The following COL2A1 variants were observed in gnomAD, a reference collection of about 807,000 sequenced individuals.
The protein encoded by COL2A1 is collagen alpha-1(II) chain.
A neutral mutation model predicts 204.5 loss-of-function variants in COL2A1; 28 were observed. That is an observed-to-expected ratio of 0.14 (90% confidence interval 0.10 to 0.19). The LOEUF (loss-of-function observed/expected upper bound fraction) is 0.19. COL2A1 is among the 10% of genes least tolerant of loss of function. COL2A1 has a pLI of 1.00. For synonymous variants in COL2A1, 708 were observed against 718.7 expected (o/e 0.99, Z 0.24); for missense variants, 1,388 against 2,027.5 (o/e 0.68, Z 6.06).
At position 47,987,021 on chromosome 12, in the gene COL2A1, G is replaced by A; in HGVS notation, c.1365+57C>T. ...GCAGGAGAGCATGGGAAAGAGGGGTGATGGGGTTTGACTCCAGAGATGTCA... is the reference window on the plus strand; with the variant it reads ...GCAGGAGAGCATGGGAAAGAGGGGTAATGGGGTTTGACTCCAGAGATGTCA... On this transcript the variant is annotated intron_variant, in intron 21 of 53. Coordinates refer to ENST00000380518, the MANE Select transcript of COL2A1 (RefSeq NM_001844.5). The surrounding 1 kb of genome is among the most constrained non-coding windows in gnomAD (Gnocchi z 4.1). The A allele has an allele frequency of 6.3e-7, 1 of 1,584,134 alleles. No individual in the cohort carries two copies. The highest frequency in any genetic ancestry group is 8.7e-7 in the Non-Finnish European group (1 of 1,152,638).
chr12:47,975,588 A>G lies in COL2A1; in HGVS notation c.3615T>C (p.Pro1205=), dbSNP rs1938665018. The change falls in exon 51 of 54, where the codon CCT becomes CCC. Residue 1205 remains proline, a synonymous_variant. Transcript: ENST00000380518. ...GGGGACCTGGAGGACCAGGGGGTCC[A>G]GGATTTCCAGGAGGACCCTGCAGCA... The part of the protein sequence containing the change: ...ETGPAGPPGN[P]GPPGPPGPPG... The G allele has an allele frequency of 1.9e-6, 3 of 1,600,494 alleles. No homozygotes were observed. In the African/African-American group the frequency reaches 4.0e-5, roughly 21 times the overall value.
chr12:47,979,862 C>T, intron 40 of COL2A1, 147 bp downstream of exon 40: 1 of 754,560 alleles, frequency 1.3e-6, no homozygotes, highest in Non-Finnish European at 2.2e-6. Context: ...GCCCTCTCTC[C>T]CACCTGGCTG....
chr12:47,982,981 A>G, intron 32 of COL2A1, 35 bp from the exon 33 acceptor site: 1 of 1,609,486 alleles, frequency 6.2e-7, no homozygotes, highest in Non-Finnish European at 8.5e-7. Flanking sequence ...ATCAACCAAC[A>G]GCAGTGGGGG....
rs1459915631 is a variant in COL2A1, at chr12:47,991,524, G to A, written c.1023+1354C>T. On this transcript the variant is annotated intron_variant, in intron 16 of 53. Coordinates refer to ENST00000380518, the MANE Select transcript of COL2A1 (RefSeq NM_001844.5). ...GATACCACAGAGCAGAGGCCTCGCAGAGCAGACTCCAGAGAGGAGTCTGAT... is the reference window on the plus strand; with the variant it reads ...GATACCACAGAGCAGAGGCCTCGCAAAGCAGACTCCAGAGAGGAGTCTGAT... Among the ~76,000 whole-genome samples the A allele has an allele frequency of 5.9e-4, 90 of 152,192 alleles. 1 individual carries two copies. The highest frequency in any genetic ancestry group is 5.9e-3 in the Admixed American group (90 of 15,280).
intron 15 of COL2A1, among the ~76,000 whole-genome samples, chr12:47,993,213 C>T (rs768797055): frequency 2.6e-5 from 4 of 152,206 alleles, no homozygotes; most frequent in Non-Finnish European, 4.4e-5. Context: ...ATGAGCTTGA[C>T]AAAATGTTGA....
At chr12:47,988,813 G>T (rs1380944319) in intron 18 of COL2A1, among the ~76,000 whole-genome samples, 1 of 152,214 alleles carries the variant, frequency 6.6e-6, no homozygotes, top group Admixed American at 6.5e-5. Context: ...GGGGAGCAGG[G>T]GCTCCCTGCC....
Position 47,976,969 on chromosome 12 carries a change from G to A in COL2A1, c.3328-50C>T. On this transcript the variant is annotated intron_variant, in intron 47 of 53. Transcript: ENST00000380518. The surrounding 1 kb of genome is among the most constrained non-coding windows in gnomAD (Gnocchi z 4.3). ...GAGTCAGGTCAGGGCCAGGACAGGA[G>A]CCCCCTCCTGTCCCACCCAAGCTGA... is the stretch of plus-strand genomic sequence containing the variant. 4 of 1,542,928 alleles carry A rather than the reference G, an allele frequency of 2.6e-6. No homozygotes were observed. Among genetic ancestry groups the A allele is most frequent in the Middle Eastern group, 1.7e-4 (1 of 5,938 alleles).
At chr12:47,992,736 G>A (rs1034665965) in intron 16 of COL2A1, 142 bp downstream of exon 16, 1 of 867,228 alleles carries the variant, frequency 1.2e-6, no homozygotes, top group African/African-American at 1.7e-5. Flanking sequence ...GGGAAGTTTT[G>A]ATGGGCACAC....
chr12:47,981,668 G>A lies in COL2A1; in HGVS notation c.2409+108C>T, dbSNP rs75703301. 76,177 of 1,302,188 alleles carry A rather than the reference G, an allele frequency of 0.058. 2,620 individuals carry two copies. Among genetic ancestry groups the A allele is most frequent in the Non-Finnish European group, 0.069 (63,091 of 920,654 alleles). The allele number at this position is 1,302,188 out of a possible 1,614,324, so 80.7% of individuals were successfully genotyped here. A position where few individuals can be genotyped will look rare whatever the true frequency, so the allele number is the denominator to read the frequency against. The stretch of plus-strand genomic sequence containing the variant: ...CCTCTTCACTCCTACGGCCTTGGCC[G>A]AGGGTGACAGTGGTGAGGGAGGACA... On this transcript the variant is annotated intron_variant, in intron 36 of 53. Coordinates refer to ENST00000380518, the MANE Select transcript of COL2A1 (RefSeq NM_001844.5).
At chr12:47,983,626 C>A in intron 30 of COL2A1, 57 bp downstream of exon 30, 1 of 1,557,182 alleles carries the variant, frequency 6.4e-7, no homozygotes, top group South Asian at 1.2e-5. Context: ...TGCTGCTGTC[C>A]CAGGGAGCCC....
At chr12:47,975,184 A>G in intron 51 of COL2A1, 133 bp downstream of exon 51, 1 of 1,203,990 alleles carries the variant, frequency 8.3e-7, no homozygotes, top group South Asian at 1.3e-5. Flanking sequence ...CTGTGAAATA[A>G]GAGAGGAACC....
rs1034580803 is a variant in COL2A1 at position 47,972,972 on chromosome 12, T to G, written c.*435A>C. ...ACAAACCACAAGTCAATATGTACTT[T>G]CCAATAATCTTTTCATTTTTAATAT... On this transcript the variant is annotated 3_prime_UTR_variant, in exon 54 of 54. Coordinates refer to ENST00000380518, the MANE Select transcript of COL2A1 (RefSeq NM_001844.5). 2.0e-6 allele frequency: 1 copy of G among 494,046 alleles called. No homozygotes were observed. The allele number at this position is 494,046 out of a possible 1,614,324, so 30.6% of individuals were successfully genotyped here. A position where few individuals can be genotyped will look rare whatever the true frequency, so the allele number is the denominator to read the frequency against.
rs1416800847 is a variant in COL2A1 at position 47,980,362 on chromosome 12, G to A, written c.2625+192C>T. Among the ~76,000 whole-genome samples the A allele has an allele frequency of 6.6e-6, 1 of 152,074 alleles. No individual in the cohort carries two copies. The highest frequency in any genetic ancestry group is 1.5e-5 in the Non-Finnish European group (1 of 67,992). ...CAGCAGCTTGGTTCTGGCTGGCTGT[G>A]GCCAGCCTGTACTCTGTCAGTCCCT... On this transcript the variant is annotated intron_variant, in intron 39 of 53. Coordinates refer to ENST00000380518, the MANE Select transcript of COL2A1 (RefSeq NM_001844.5). The surrounding 1 kb of genome is among the most constrained non-coding windows in gnomAD (Gnocchi z 4.5).
intron 27 of COL2A1, 38 bp from the exon 28 acceptor site, chr12:47,984,637 T>C: frequency 1.2e-6 from 2 of 1,606,718 alleles, no homozygotes; most frequent in Non-Finnish European, 1.7e-6. Context: ...AGGCGGATGG[T>C]TTGGGAGGGA....
Position 47,975,857 on chromosome 12 carries a change from G to A in COL2A1, c.3597+106C>T, listed in dbSNP as rs551505318. 9.5e-5 allele frequency: 88 copies of A among 926,580 alleles called. 1 individual carries two copies. The highest frequency in any genetic ancestry group is 6.9e-4 in the South Asian group (53 of 76,884). 57.4% of individuals were successfully genotyped at this position (926,580 alleles called of 1,614,324 possible). ...CCTCAGGATAAAGGATGCCATCACT[G>A]TTAGCTGCAGGCTGATGCCCTAAAA... is the stretch of plus-strand genomic sequence containing the variant. On this transcript the variant is annotated intron_variant, in intron 50 of 53. Transcript: ENST00000380518.
At chr12:47,979,380 G>T in intron 41 of COL2A1, 131 bp downstream of exon 41, 1 of 955,354 alleles carries the variant, frequency 1.0e-6, no homozygotes. Flanking sequence ...TGATCAGTTA[G>T]CTACTCCTCC....
At chr12:48,004,176 A>G in intron 1 of COL2A1, 61 bp downstream of exon 1, 1 of 1,254,380 alleles carries the variant, frequency 8.0e-7, no homozygotes, top group Non-Finnish European at 1.1e-6. Context: ...CGGGCCGGGG[A>G]GAAGGATGCT....
chr12:47,998,244 C>G, intron 3 of COL2A1, 43 bp from the exon 4 acceptor site: 1 of 1,613,838 alleles, frequency 6.2e-7, no homozygotes, highest in Non-Finnish European at 8.5e-7. Flanking sequence ...AGTAAGCCCA[C>G]TAAGCCCCTA....
Position 47,993,804 on chromosome 12 carries a change from C to T in COL2A1, c.924+5G>A, listed in dbSNP as rs749471240. 6.2e-7 allele frequency: 1 copy of T among 1,614,124 alleles called. No homozygotes were observed. Among genetic ancestry groups the T allele is most frequent in the Non-Finnish European group, 8.5e-7 (1 of 1,179,966 alleles). ...CCCATCCCATTGTACTTTCTGGCCT[C>T]TCACCTTCACACCAGGAGCACCCGC... On this transcript the variant is annotated splice_donor_5th_base_variant and intron_variant, in intron 14 of 53. Transcript: ENST00000380518.
Sources: gnomAD v4.1 joint callset for allele counts (sites outside exome capture counted in the v4.1 genomes callset) on GRCh38, gnomAD v4.1.1 for gene constraint, Gnocchi (gnomAD v3.1) non-coding constraint, MANE v1.5 for transcripts, NCBI Gene and HGNC (gene_info 2026-07-23, HGNC 2026-07-21) for gene names.